The following PPP2R3B variants were observed in gnomAD, a reference collection of about 807,000 sequenced individuals.
The protein encoded by PPP2R3B is protein phosphatase 2 regulatory subunit B''beta.
In PPP2R3B, 68 loss-of-function variants were observed where a neutral mutation model predicts 72.9. The ratio of observed to expected loss-of-function variants is 0.93; its 90% CI spans 0.77 to 1.14. The LOEUF (loss-of-function observed/expected upper bound fraction) is 1.14. Among genes scored for constraint, PPP2R3B ranks in the 50% most tolerant of loss-of-function variants. PPP2R3B has a pLI of 0.00. For synonymous variants in PPP2R3B, 466 were observed against 375.8 expected (o/e 1.24, Z -2.78); for missense variants, 1,018 against 842.0 (o/e 1.21, Z -2.59).
Position 341,917 on chromosome X carries a change from T to C in PPP2R3B, c.1051A>G (p.Met351Val). The C allele has an allele frequency of 6.2e-7, 1 of 1,612,692 alleles. No homozygotes were observed. Among genetic ancestry groups the C allele is most frequent in the Non-Finnish European group, 8.5e-7 (1 of 1,179,766 alleles). The part of the protein sequence containing the change: ...RHNDHALSTK[M>V]IDRIFSGAVT... ...GCTCCTGAGAAGATCCTGTCTATCATCTTGGTAGAAAGGGCTGGAAAGGAA... is the reference window on the plus strand; with the variant it reads ...GCTCCTGAGAAGATCCTGTCTATCACCTTGGTAGAAAGGGCTGGAAAGGAA... Residue 351 changes from methionine to valine, a missense_variant, in exon 8 of 13, where the codon ATG (methionine) becomes GTG (valine). Transcript: ENST00000390665.
rs28416203 is a variant in PPP2R3B at position 350,617 on chromosome X, C to T, written c.511-2924G>A. Among the ~76,000 whole-genome samples the T allele has an allele frequency of 3.2e-3, 480 of 152,314 alleles. 17 individuals are homozygous for T. The highest frequency in any genetic ancestry group is 0.03 in the Admixed American group (464 of 15,306). On this transcript the variant is annotated intron_variant, in intron 2 of 12. Coordinates refer to ENST00000390665, the MANE Select transcript of PPP2R3B (RefSeq NM_013239.5). ...AAGGGGAAGCGCCCAGCACTGGCGC[C>T]GGCGAGGGCAGGGTTCACAGGGCAT...
Position 334,432 on chromosome X carries a change from A to G in PPP2R3B, c.1663T>C (p.Ser555Pro). ...LAQRPFFEAP[S>P]PLGAVDLYEY... The stretch of plus-strand genomic sequence containing the variant: ...TACAGGTCCACGGCGCCCAGCGGTG[A>G]GGGCGCCTCGAAGAAGGGCCTCTGG... The change falls in exon 13 of 13, where the codon TCA becomes CCA. Residue 555 changes from serine (S) to proline (P), a missense_variant. By Grantham distance (74) the Ser-to-Pro change is moderately conservative (BLOSUM62 -1). Transcript: ENST00000390665. The G allele has an allele frequency of 6.3e-7, 1 of 1,595,312 alleles. No individual in the cohort carries two copies.
intron 1 of PPP2R3B, among the ~76,000 whole-genome samples, chrX:369,765 A>T (rs2071815579): frequency 1.3e-5 from 2 of 152,222 alleles, no homozygotes; most frequent in Non-Finnish European, 2.9e-5. Flanking sequence ...TCAAAGCCAC[A>T]GAGGAGGTGC....
In PPP2R3B at chrX:386,697, G is replaced by C. The variant is rs1425950320; in HGVS notation, c.-6C>G. The C allele has an allele frequency of 1.6e-6, 2 of 1,276,772 alleles. No homozygotes were observed. Among genetic ancestry groups the C allele is most frequent in the East Asian group, 3.3e-5 (1 of 29,926 alleles). The allele number at this position is 1,276,772 out of a possible 1,614,324, so 79.1% of individuals were successfully genotyped here. On this transcript the variant is annotated 5_prime_UTR_variant, in exon 1 of 13. Transcript: ENST00000390665. ...AGCACTTTGCCGGGCGGCATGGCGGGGGCTGGGCCCGCGGCGCCCCCGGAC... is the reference window on the plus strand; with the variant it reads ...AGCACTTTGCCGGGCGGCATGGCGGCGGCTGGGCCCGCGGCGCCCCCGGAC...
chrX:379,387 C>T (rs1189540833), intron 1 of PPP2R3B, among the ~76,000 whole-genome samples: 4 of 149,328 alleles, frequency 2.7e-5, no homozygotes, highest in South Asian at 4.2e-4. Context: ...CCTGTGTATG[C>T]ACCTATGTGT....
chrX:378,203 C>T (rs1334024941), intron 1 of PPP2R3B, among the ~76,000 whole-genome samples: 2 of 152,204 alleles, frequency 1.3e-5, no homozygotes, highest in African/African-American at 4.8e-5. Flanking sequence ...GCCGATGAAG[C>T]CCCTCACGGC....
intron 1 of PPP2R3B, among the ~76,000 whole-genome samples, chrX:364,305 C>G (rs937802371): frequency 1.3e-5 from 2 of 151,978 alleles, no homozygotes; most frequent in Non-Finnish European, 2.9e-5. Flanking sequence ...GGAGTTCTCC[C>G]CCGAGAACTG....
chrX:340,740 G>A (rs2071043193), intron 10 of PPP2R3B, 25 bp downstream of exon 10: 1 of 1,607,984 alleles, frequency 6.2e-7, no homozygotes, highest in Non-Finnish European at 8.5e-7. Flanking sequence ...CCCTCACCCT[G>A]GGCCATGCCC....
In PPP2R3B at chrX:334,425, A is replaced by G. The variant is rs774085206; in HGVS notation, c.1670T>C (p.Leu557Pro). The change falls in exon 13 of 13, where the codon CTG becomes CCG. Residue 557 changes from leucine (L) to proline (P), a missense_variant. Physicochemically the swap from Leu to Pro is moderately conservative, Grantham distance 98 (BLOSUM62 -3). Transcript: ENST00000390665. ...GTACTCGTACAGGTCCACGGCGCCC[A>G]GCGGTGAGGGCGCCTCGAAGAAGGG... ...QRPFFEAPSP[L>P]GAVDLYEYAC... 97 of 1,594,220 alleles carry G rather than the reference A, an allele frequency of 6.1e-5. No homozygotes were observed. In the Admixed American group the frequency reaches 1.4e-3, roughly 22 times the overall value.
chrX:346,153 G>GGGCAGGA (rs2071206209), intron 6 of PPP2R3B, 21 bp downstream of exon 6: 1 of 1,529,064 alleles, frequency 6.5e-7, no homozygotes, highest in African/African-American at 1.4e-5. Context: ...AGGGGGCAGG[G>GGGCAGGA]GACAGGGGGC....
intron 1 of PPP2R3B, among the ~76,000 whole-genome samples, chrX:371,513 C>G (rs1469113221): frequency 6.6e-6 from 1 of 151,848 alleles, no homozygotes; most frequent in Non-Finnish European, 1.5e-5. Context: ...AACAGAAGCC[C>G]AGGTGGGACG....
rs191044158 is a variant in PPP2R3B at position 370,268 on chromosome X, T to G, written c.325-8678A>C. Among the ~76,000 whole-genome samples the G allele has an allele frequency of 2.8e-4, 43 of 152,214 alleles. 1 individual carries two copies. In the East Asian group the frequency reaches 6.8e-3, roughly 24 times the overall value. On this transcript the variant is annotated intron_variant, in intron 1 of 12. Transcript: ENST00000390665. Reference sequence around the variant, plus strand: ...CAGAAACGCAGCAGGTGCAGGTGTCTGAGTAGGCCAGAGCTCACGTGGGCT... The same window carrying G: ...CAGAAACGCAGCAGGTGCAGGTGTCGGAGTAGGCCAGAGCTCACGTGGGCT...
chrX:345,326 GACC>G (rs1366996437), intron 7 of PPP2R3B, 187 bp downstream of exon 7: 1 of 837,970 alleles, frequency 1.2e-6, no homozygotes, highest in Admixed American at 2.0e-5. Flanking sequence ...CGCACGCGGG[GACC>G]CAGACACGGG....
chrX:383,722 C>T (rs2072175674), intron 1 of PPP2R3B, among the ~76,000 whole-genome samples: 2 of 150,964 alleles, frequency 1.3e-5, no homozygotes, highest in African/African-American at 4.9e-5. Flanking sequence ...CCTGTAGTCC[C>T]AGCTACTTGG....
At position 386,461 on chromosome X, in the gene PPP2R3B, G is replaced by A. The variant is rs752632646; in HGVS notation, c.231C>T (p.Pro77=). The part of the protein sequence containing the change: ...RPSGLEPPGT[P]GPGPALPLGA... ...CCAGGGGCAGCGCAGGGCCCGGCCC[G>A]GGGGTTCCCGGGGGTTCGAGCCCGC... Residue 77 remains proline (P), a synonymous_variant, in exon 1 of 13, where the codon CCC becomes CCT. Transcript: ENST00000390665. The A allele has an allele frequency of 9.3e-6, 12 of 1,286,586 alleles. No homozygotes were observed. Among genetic ancestry groups the A allele is most frequent in the Non-Finnish European group, 1.2e-5 (12 of 1,014,584 alleles). 79.7% of individuals were successfully genotyped at this position (1,286,586 alleles called of 1,614,324 possible).
chrX:336,032 G>A (rs936568750), intron 12 of PPP2R3B: 1 of 152,152 alleles, frequency 6.6e-6, no homozygotes, highest in African/African-American at 2.4e-5. Flanking sequence ...GCCGGGTGTG[G>A]TGGTGCGTGC....
At chrX:357,496 T>G (rs1265224127) in intron 2 of PPP2R3B, among the ~76,000 whole-genome samples, 1 of 152,210 alleles carries the variant, frequency 6.6e-6, no homozygotes, top group Admixed American at 6.5e-5. Flanking sequence ...CTGAAAGAGA[T>G]ATACGTTAGT....
chrX:382,336 T>G (rs1179657097), intron 1 of PPP2R3B, among the ~76,000 whole-genome samples: 1 of 152,008 alleles, frequency 6.6e-6, no homozygotes, highest in Non-Finnish European at 1.5e-5. Context: ...TAGCTGGGAT[T>G]ACAGGTGCCC....
intron 12 of PPP2R3B, 151 bp from the exon 13 acceptor site, chrX:334,668 G>A (rs1029767622): frequency 2.6e-5 from 24 of 934,280 alleles, no homozygotes; most frequent in African/African-American, 1.1e-4. Flanking sequence ...CCAGCAACGC[G>A]CTCCTGGCTG....
Sources: allele counts gnomAD v4.1 joint callset (sites outside exome capture counted in the v4.1 genomes callset), GRCh38; gene constraint gnomAD v4.1.1; transcripts MANE v1.5; gene names NCBI Gene and HGNC (gene_info 2026-07-23, HGNC 2026-07-21).